The following CIDEA variants were observed in gnomAD, a reference collection of about 807,000 sequenced individuals.
CIDEA encodes the protein lipid transferase CIDEA.
CIDEA carries 10 observed loss-of-function variants against 18.2 expected under a neutral mutation model. The ratio of observed to expected loss-of-function variants is 0.55; its 90% CI spans 0.34 to 0.93. CIDEA has a LOEUF of 0.93. Among genes scored for constraint, CIDEA ranks in the 40% least tolerant of loss-of-function variants. The pLI is 0.02. For missense variants in CIDEA, 309 were observed against 293.1 expected (o/e 1.05, Z -0.40); for synonymous variants, 128 against 124.8 (o/e 1.03, Z -0.17).
At chr18:12,256,080 TC>T (rs1477826098) in intron 1 of CIDEA, among the ~76,000 whole-genome samples, 1 of 152,224 alleles carries the variant, frequency 6.6e-6, no homozygotes, top group East Asian at 1.9e-4. Context: ...ATCTACCTGC[TC>T]CCAGGCTGGA....
Position 12,274,669 on chromosome 18 carries a change from A to G in CIDEA, c.512+395A>G, listed in dbSNP as rs186729303. 2.6e-3 allele frequency among the ~76,000 whole-genome samples: 398 copies of G among 152,332 alleles called. 3 individuals carry two copies. Among genetic ancestry groups the G allele is most frequent in the African/African-American group, 8.7e-3 (362 of 41,578 alleles). On this transcript the variant is annotated intron_variant, in intron 4 of 4. Transcript: ENST00000320477. ...TGGTGAATCACACGCCTTTGCATGT[A>G]TCTCCTGTACTCCTGATAACTTCAG...
At chr18:12,267,484 C>T (rs548665760) in intron 3 of CIDEA, among the ~76,000 whole-genome samples, 2 of 152,362 alleles carry the variant, frequency 1.3e-5, no homozygotes, top group African/African-American at 4.8e-5. Flanking sequence ...GTAAACAACG[C>T]ATCCTCAAAC....
chr18:12,264,444 G>A lies in CIDEA; in HGVS notation c.321G>A (p.Lys107=), dbSNP rs1158368433. 6.2e-7 allele frequency: 1 copy of A among 1,613,432 alleles called. No homozygotes were observed. ...TCATGATCTTGGAAAAAGGACAGAA[G>A]TGGATGCCGGTAAGCAAAAACACTG... is the stretch of plus-strand genomic sequence containing the variant. The part of the protein sequence containing the change: ...THFMILEKGQ[K]WMPGSQHVPT... Residue 107 remains lysine (K), a synonymous_variant, in exon 3 of 5, where the codon AAG becomes AAA. Coordinates refer to ENST00000320477, the MANE Select transcript of CIDEA (RefSeq NM_001279.4).
Position 12,257,883 on chromosome 18 carries a change from A to T in CIDEA, c.38+3462A>T, listed in dbSNP as rs117944390. ...GCCAGTGATAGAGATGACTCTACTCAGCGGGCTGGAGGTGACTTGGGTGGA... is the reference window on the plus strand; with the variant it reads ...GCCAGTGATAGAGATGACTCTACTCTGCGGGCTGGAGGTGACTTGGGTGGA... On this transcript the variant is annotated intron_variant, in intron 1 of 4. Coordinates refer to ENST00000320477, the MANE Select transcript of CIDEA (RefSeq NM_001279.4). Among the ~76,000 whole-genome samples the T allele has an allele frequency of 9.9e-4, 150 of 152,284 alleles. No homozygotes were observed. The Middle Eastern group carries it at 0.01, about 10-fold the overall frequency.
chr18:12,277,367 C>A lies in CIDEA; in HGVS notation c.*97C>A. 2 of 1,345,294 alleles carry A rather than the reference C, an allele frequency of 1.5e-6. No homozygotes were observed. Among genetic ancestry groups the A allele is most frequent in the Non-Finnish European group, 1.0e-6 (1 of 970,450 alleles). The allele number at this position is 1,345,294 out of a possible 1,614,324, so 83.3% of individuals were successfully genotyped here. A position where few individuals can be genotyped will look rare whatever the true frequency, so the allele number is the denominator to read the frequency against. On this transcript the variant is annotated 3_prime_UTR_variant, in exon 5 of 5. Coordinates refer to ENST00000320477, the MANE Select transcript of CIDEA (RefSeq NM_001279.4). Reference sequence around the variant, plus strand: ...GCTTTTATGTTCTGAGCCACATGCACTTGGAGGCCGCTGGTCACGCTGCTC... The same window carrying A: ...GCTTTTATGTTCTGAGCCACATGCAATTGGAGGCCGCTGGTCACGCTGCTC...
chr18:12,262,782 C>T, intron 1 of CIDEA, 43 bp from the exon 2 acceptor site: 2 of 1,576,468 alleles, frequency 1.3e-6, no homozygotes, highest in Non-Finnish European at 1.7e-6. Flanking sequence ...CTTCTTCTGA[C>T]AGACTCTTTT....
At chr18:12,267,370 C>T (rs1010192218) in intron 3 of CIDEA, among the ~76,000 whole-genome samples, 1 of 152,226 alleles carries the variant, frequency 6.6e-6, no homozygotes, top group African/African-American at 2.4e-5. Context: ...AATGTGGTCC[C>T]TGAACAGAAT....
intron 1 of CIDEA, chr18:12,254,691 C>T: frequency 6.6e-7 from 1 of 1,508,262 alleles, no homozygotes; most frequent in South Asian, 1.2e-5. Context: ...GTGGCTCTTG[C>T]GAGGTGCGCG....
intron 3 of CIDEA, among the ~76,000 whole-genome samples, chr18:12,267,626 T>C (rs1912388373): frequency 1.3e-5 from 2 of 152,198 alleles, no homozygotes; most frequent in African/African-American, 4.8e-5. Flanking sequence ...CCCAAGTAGC[T>C]GGGATCACAG....
chr18:12,267,732 T>G (rs1436286325), intron 3 of CIDEA, among the ~76,000 whole-genome samples: 1 of 152,192 alleles, frequency 6.6e-6, no homozygotes, highest in East Asian at 1.9e-4. Context: ...TGACCTCAAG[T>G]GATCCACCGG....
At chr18:12,276,345 T>G (rs1905332951) in intron 4 of CIDEA, among the ~76,000 whole-genome samples, 1 of 151,822 alleles carries the variant, frequency 6.6e-6, no homozygotes, top group Non-Finnish European at 1.5e-5. Context: ...CAGGCTGGAG[T>G]GCAGTAGCAC....
At position 12,277,473 on chromosome 18, in the gene CIDEA, T is replaced by G; in HGVS notation, c.*203T>G. ...GGCAGGGTGCCCTGGGGGGGAGGCA[T>G]AGAGGGCCCTGGGGGTCATGGGAAG... On this transcript the variant is annotated 3_prime_UTR_variant, in exon 5 of 5. Coordinates refer to ENST00000320477, the MANE Select transcript of CIDEA (RefSeq NM_001279.4). 27 of 519,390 alleles carry G rather than the reference T, an allele frequency of 5.2e-5. No homozygotes were observed. Among genetic ancestry groups the G allele is most frequent in the East Asian group, 1.5e-4 (4 of 26,630 alleles). 32.2% of individuals were successfully genotyped at this position (519,390 alleles called of 1,614,324 possible).
At chr18:12,276,006 T>C (rs1905320852) in intron 4 of CIDEA, among the ~76,000 whole-genome samples, 1 of 147,006 alleles carries the variant, frequency 6.8e-6, no homozygotes, top group Admixed American at 6.7e-5. Flanking sequence ...ATTTTTTTTC[T>C]TTTTTGAGAC....
At chr18:12,268,125 C>T (rs1003758489) in intron 3 of CIDEA, among the ~76,000 whole-genome samples, 4 of 151,404 alleles carry the variant, frequency 2.6e-5, no homozygotes, top group East Asian at 2.0e-4. Flanking sequence ...AGTGCAGTGG[C>T]GCGATCTCGG....
chr18:12,260,172 GTTTTTTGTTTGT>G (rs1189542876), intron 1 of CIDEA, among the ~76,000 whole-genome samples: 1 of 148,946 alleles, frequency 6.7e-6, no homozygotes, highest in East Asian at 2.0e-4. Context: ...TTTTTGGTCT[GTTTTTTGTTTGT>G]TTGTTTGTTT....
At chr18:12,262,716 AT>A (rs748449533) in intron 1 of CIDEA, 108 bp from the exon 2 acceptor site, 174 of 1,073,144 alleles carry the variant, frequency 1.6e-4, no homozygotes, top group Non-Finnish European at 2.3e-4. Flanking sequence ...CAACAACTGA[AT>A]TTCTTTCTTT....
At chr18:12,254,517 G>T (rs143163858) in intron 1 of CIDEA, 96 bp downstream of exon 1, 54 of 1,539,130 alleles carry the variant, frequency 3.5e-5, no homozygotes, top group Non-Finnish European at 4.4e-5. Flanking sequence ...ACCGTACCCC[G>T]CTCCCTTCAG....
At chr18:12,275,664 A>G (rs551678698) in intron 4 of CIDEA, among the ~76,000 whole-genome samples, 1 of 152,294 alleles carries the variant, frequency 6.6e-6, no homozygotes, top group Non-Finnish European at 1.5e-5. Flanking sequence ...TGCTGAGCAC[A>G]GCAAAGGGGA....
At chr18:12,258,578 G>T (rs1328634836) in intron 1 of CIDEA, among the ~76,000 whole-genome samples, 3 of 152,208 alleles carry the variant, frequency 2.0e-5, no homozygotes, top group Non-Finnish European at 4.4e-5. Flanking sequence ...TGCCTTGGGG[G>T]CGAAGAGGGG....
Sources: gnomAD v4.1 joint callset for allele counts (sites outside exome capture counted in the v4.1 genomes callset) on GRCh38, gnomAD v4.1.1 for gene constraint, MANE v1.5 for transcripts, NCBI Gene and HGNC (gene_info 2026-07-23, HGNC 2026-07-21) for gene names.